The following JCAD variants were observed in gnomAD, a reference collection of about 807,000 sequenced individuals.
JCAD encodes junctional cadherin 5 associated, also known as junctional cadherin 5-associated protein.
In JCAD, 40 loss-of-function variants were observed where a neutral mutation model predicts 98.0. That is an observed-to-expected ratio of 0.41 (90% confidence interval 0.32 to 0.53). The LOEUF is 0.53. JCAD is among the 20% of genes least tolerant of loss of function. JCAD has a pLI of 0.31. For synonymous variants in JCAD, 691 were observed against 682.3 expected (o/e 1.01, Z -0.20); for missense variants, 1,705 against 1,738.1 (o/e 0.98, Z 0.34).
intron 1 of JCAD, among the ~76,000 whole-genome samples, chr10:30,088,167 G>A (rs1197865323): frequency 6.6e-6 from 1 of 152,230 alleles, no homozygotes; most frequent in African/African-American, 2.4e-5. Context: ...CCTAAAATTA[G>A]TGAAGGTGGA....
intron 1 of JCAD, among the ~76,000 whole-genome samples, chr10:30,048,345 C>T (rs1837399091): frequency 6.6e-6 from 1 of 152,198 alleles, no homozygotes; most frequent in South Asian, 2.1e-4. Context: ...TGTAGACATA[C>T]CTTCTGCTCT....
At chr10:30,081,085 G>A (rs928091883) in intron 1 of JCAD, among the ~76,000 whole-genome samples, 2 of 152,208 alleles carry the variant, frequency 1.3e-5, no homozygotes, top group East Asian at 1.9e-4. Context: ...CCTTACTACC[G>A]ACCACCTGGG....
At chr10:30,057,631 CTG>C (rs1837601399) in intron 1 of JCAD, among the ~76,000 whole-genome samples, 1 of 152,186 alleles carries the variant, frequency 6.6e-6, no homozygotes, top group Non-Finnish European at 1.5e-5. Context: ...TGCCAAGGGC[CTG>C]ACCTTCCAGT....
Position 30,029,214 on chromosome 10 carries a change from C to G in JCAD, c.934G>C (p.Asp312His). The G allele has an allele frequency of 6.2e-7, 1 of 1,614,162 alleles. No homozygotes were observed. The highest frequency in any genetic ancestry group is 1.7e-4 in the Middle Eastern group (1 of 6,060). Residue 312 changes from aspartate (D) to histidine (H), a missense_variant, in exon 3 of 4, where the codon GAC becomes CAC. Asp to His is a moderately conservative substitution (Grantham distance 81, BLOSUM62 -1). Transcript: ENST00000375377. ...TCCATCTGCTGGCTGTCCTGAGAGT[C>G]ACTGCTGTCCGCTCCTCCCCTAGAC... The part of the protein sequence containing the change: ...QQSRGGADSS[D>H]SQDSQQMDAY...
chr10:30,109,162 A>G (rs1838643493), intron 1 of JCAD, among the ~76,000 whole-genome samples: 2 of 152,058 alleles, frequency 1.3e-5, no homozygotes, highest in Admixed American at 1.3e-4. Context: ...CATTCTGTCC[A>G]CTTCTCAACC....
chr10:30,031,210 T>C (rs1247756911), intron 2 of JCAD, among the ~76,000 whole-genome samples: 1 of 152,068 alleles, frequency 6.6e-6, no homozygotes, highest in Non-Finnish European at 1.5e-5. Flanking sequence ...CACTGCAGCC[T>C]CAAACTCCTG....
At chr10:30,054,664 G>A (rs184845117) in intron 1 of JCAD, among the ~76,000 whole-genome samples, 6 of 145,508 alleles carry the variant, frequency 4.1e-5, no homozygotes, top group African/African-American at 1.3e-4. Flanking sequence ...GGTTAGATGA[G>A]GAAAATGCAT....
chr10:30,066,896 T>A (rs1837793917), intron 2 of JCAD, among the ~76,000 whole-genome samples: 1 of 151,840 alleles, frequency 6.6e-6, no homozygotes, highest in Admixed American at 6.6e-5. Flanking sequence ...ACTCAGGAGG[T>A]TGAGGTACAA....
rs548600144 is a variant in JCAD, at chr10:30,033,835, G to A, written c.282-3969C>T. Among the ~76,000 whole-genome samples the A allele has an allele frequency of 2.0e-5, 3 of 152,264 alleles. No individual in the cohort carries two copies. The South Asian group carries it at 6.2e-4, about 32-fold the overall frequency. On this transcript the variant is annotated intron_variant, in intron 2 of 3. Transcript: ENST00000375377. ...TCCAATCACAGAGGCAGAAGGCTGT[G>A]GGCAGGAGCCCTGGTAAAAACTTCT...
intron 1 of JCAD, among the ~76,000 whole-genome samples, chr10:30,096,684 T>G (rs770725074): frequency 6.6e-6 from 1 of 151,914 alleles, no homozygotes; most frequent in Non-Finnish European, 1.5e-5. Context: ...AATGTACCCC[T>G]TCTCCTGAGG....
intron 3 of JCAD, among the ~76,000 whole-genome samples, chr10:30,022,075 C>A (rs1435668121): frequency 6.6e-6 from 1 of 152,162 alleles, no homozygotes; most frequent in African/African-American, 2.4e-5. Context: ...CCTGGGATGA[C>A]ACTTCCGAAT....
intron 1 of JCAD, among the ~76,000 whole-genome samples, chr10:30,097,932 G>A (rs1015421741): frequency 1.3e-4 from 20 of 152,206 alleles, no homozygotes; most frequent in African/African-American, 3.9e-4. Flanking sequence ...TCAAGGAAAC[G>A]TCAAGAGTTC....
At chr10:30,097,428 T>G (rs904660953) in intron 1 of JCAD, among the ~76,000 whole-genome samples, 1 of 152,126 alleles carries the variant, frequency 6.6e-6, no homozygotes, top group Admixed American at 6.5e-5. Flanking sequence ...TTTTTCATCC[T>G]ACAGCATATC....
intron 2 of JCAD, among the ~76,000 whole-genome samples, chr10:30,041,775 A>T (rs1209470225): frequency 6.6e-6 from 1 of 152,250 alleles, no homozygotes; most frequent in African/African-American, 2.4e-5. Context: ...CTGCTATGTT[A>T]AGTGTATTTT....
At chr10:30,069,151 A>T (rs1381023226) in intron 2 of JCAD, among the ~76,000 whole-genome samples, 4 of 152,172 alleles carry the variant, frequency 2.6e-5, no homozygotes, top group Admixed American at 6.5e-5. Context: ...AGGTAGATGA[A>T]ACATGTCTGT....
chr10:30,021,247 A>G (rs967611915), intron 3 of JCAD, among the ~76,000 whole-genome samples: 1 of 152,242 alleles, frequency 6.6e-6, no homozygotes, highest in African/African-American at 2.4e-5. Context: ...CACCCAAGCT[A>G]GAGTGCAGTG....
rs559619163 is a variant in JCAD, at chr10:30,028,675, G to C, written c.1473C>G (p.Val491=). 3 of 1,607,452 alleles carry C rather than the reference G, an allele frequency of 1.9e-6. No homozygotes were observed. Among genetic ancestry groups the C allele is most frequent in the African/African-American group, 2.7e-5 (2 of 74,668 alleles). The change falls in exon 3 of 4, where the codon GTC becomes GTG. Residue 491 remains valine (V), a synonymous_variant. Coordinates refer to ENST00000375377, the MANE Select transcript of JCAD (RefSeq NM_020848.4). ...IPPSGDERGL[V]LADSSPRWLW... is the part of the protein sequence containing the mutation. ...GCCACCGGGGGCTGGAATCGGCCAA[G>C]ACCAGGCCTCTCTCATCCCCCGACG...
intron 1 of JCAD, among the ~76,000 whole-genome samples, chr10:30,073,188 G>A (rs529052336): frequency 3.3e-4 from 50 of 152,318 alleles, no homozygotes; most frequent in African/African-American, 1.2e-3. Flanking sequence ...AGGCTTTGGG[G>A]TCAGACAGAT....
intron 2 of JCAD, among the ~76,000 whole-genome samples, chr10:30,042,903 C>A (rs1420885066): frequency 6.6e-6 from 1 of 152,160 alleles, no homozygotes; most frequent in Non-Finnish European, 1.5e-5. Flanking sequence ...GCCAGGGGTC[C>A]CACAGTCAGG....
Sources: allele counts gnomAD v4.1 joint callset (sites outside exome capture counted in the v4.1 genomes callset), GRCh38; gene constraint gnomAD v4.1.1; transcripts MANE v1.5; gene names NCBI Gene and HGNC (gene_info 2026-07-23, HGNC 2026-07-21).